PSTPIP2: variants seen among roughly 807,000 people sequenced by gnomAD.
The protein encoded by PSTPIP2 is proline-serine-threonine phosphatase interacting protein 2.
A neutral mutation model predicts 63.3 loss-of-function variants in PSTPIP2; 33 were observed. The ratio of observed to expected loss-of-function variants is 0.52; its 90% CI spans 0.40 to 0.70. PSTPIP2 has a LOEUF of 0.70. Ranked by LOEUF, PSTPIP2 falls within the 30% of genes least tolerant of loss-of-function variation. The pLI is 0.00. For synonymous variants in PSTPIP2, 125 were observed against 132.7 expected (o/e 0.94, Z 0.40); for missense variants, 312 against 400.7 (o/e 0.78, Z 1.89).
chr18:46,035,351 C>T (rs1004034261), intron 2 of PSTPIP2, among the ~76,000 whole-genome samples: 3 of 149,008 alleles, frequency 2.0e-5, no homozygotes, highest in Admixed American at 1.4e-4. Flanking sequence ...ACCCGGGAGA[C>T]GGAGGTTGAA....
intron 1 of PSTPIP2, among the ~76,000 whole-genome samples, chr18:46,069,158 G>T: frequency 6.6e-6 from 1 of 152,172 alleles, no homozygotes; most frequent in East Asian, 1.9e-4. Flanking sequence ...ATCCCCAGGG[G>T]TGAGAGAACA....
intron 1 of PSTPIP2, among the ~76,000 whole-genome samples, chr18:46,066,719 C>A (rs146299047): frequency 8.9e-4 from 135 of 152,282 alleles, no homozygotes; most frequent in African/African-American, 3.0e-3. Flanking sequence ...CCAGTCACAG[C>A]AGAACAGTTT....
intron 1 of PSTPIP2, 90 bp downstream of exon 1, chr18:46,072,066 G>T: frequency 6.9e-7 from 1 of 1,453,716 alleles, no homozygotes. Flanking sequence ...AGTGGCGCCG[G>T]AGCTGGGGAG....
chr18:46,038,152 C>T (rs986041605), intron 2 of PSTPIP2, among the ~76,000 whole-genome samples: 9 of 152,192 alleles, frequency 5.9e-5, no homozygotes, highest in Non-Finnish European at 1.5e-5. Context: ...CCTTGAACTC[C>T]TGGGCTAAGT....
chr18:46,028,436 G>C, intron 2 of PSTPIP2: 1 of 559,816 alleles, frequency 1.8e-6, no homozygotes, highest in Non-Finnish European at 3.5e-6. Flanking sequence ...CAGCGGAACC[G>C]CCCGACGCTG....
At chr18:46,031,350 T>C (rs1274379900) in intron 2 of PSTPIP2, among the ~76,000 whole-genome samples, 1 of 152,196 alleles carries the variant, frequency 6.6e-6, no homozygotes, top group East Asian at 1.9e-4. Context: ...TCTGAGACCA[T>C]GCAAGTGATT....
At chr18:46,025,458 A>C (rs936112007) in intron 2 of PSTPIP2, among the ~76,000 whole-genome samples, 1 of 152,194 alleles carries the variant, frequency 6.6e-6, no homozygotes, top group African/African-American at 2.4e-5. Flanking sequence ...TTAGCTTTCC[A>C]GTCCCTTTTC....
intron 2 of PSTPIP2, chr18:46,028,732 G>A: frequency 1.1e-6 from 1 of 937,420 alleles, no homozygotes; most frequent in Admixed American, 1.7e-5. Context: ...ACTTTAGAAA[G>A]ACAAACTTAA....
At chr18:46,071,083 C>T (rs1288688839) in intron 1 of PSTPIP2, among the ~76,000 whole-genome samples, 3 of 152,058 alleles carry the variant, frequency 2.0e-5, no homozygotes, top group Non-Finnish European at 4.4e-5. Flanking sequence ...GAGTAGTGCC[C>T]CAGAAGGACC....
chr18:45,997,885 TAC>T, intron 8 of PSTPIP2, 57 bp from the exon 9 acceptor site: 1 of 1,478,718 alleles, frequency 6.8e-7, no homozygotes, highest in Non-Finnish European at 9.4e-7. Context: ...GGCTCGCAGA[TAC>T]ACCCACAGGC....
chr18:46,032,939 C>T (rs1292886546), intron 2 of PSTPIP2, among the ~76,000 whole-genome samples: 4 of 152,068 alleles, frequency 2.6e-5, no homozygotes, highest in Non-Finnish European at 5.9e-5. Flanking sequence ...AATCCTTTTG[C>T]CATAAAACCT....
At chr18:46,017,491 A>G (rs1037876607) in intron 3 of PSTPIP2, among the ~76,000 whole-genome samples, 19 of 151,890 alleles carry the variant, frequency 1.3e-4, no homozygotes, top group African/African-American at 4.6e-4. Context: ...ATTTCTTCTC[A>G]TTGTTTCTAT....
intron 2 of PSTPIP2, among the ~76,000 whole-genome samples, chr18:46,037,640 C>T (rs115732116): frequency 6.6e-6 from 1 of 152,202 alleles, no homozygotes; most frequent in South Asian, 2.1e-4. Context: ...TACCCTTGAA[C>T]AAGACACATT....
At chr18:45,994,513 C>T (rs1296359574) in intron 9 of PSTPIP2, among the ~76,000 whole-genome samples, 2 of 152,136 alleles carry the variant, frequency 1.3e-5, no homozygotes, top group East Asian at 1.9e-4. Context: ...TGAGCTCTAC[C>T]CCCACAGTTT....
intron 2 of PSTPIP2, among the ~76,000 whole-genome samples, chr18:46,025,738 T>A (rs917851953): frequency 2.0e-5 from 3 of 151,198 alleles, no homozygotes; most frequent in African/African-American, 7.3e-5. Context: ...TAAATGAACA[T>A]CTGAACATCT....
At chr18:46,044,949 C>T (rs1223227763) in intron 1 of PSTPIP2, among the ~76,000 whole-genome samples, 7 of 152,282 alleles carry the variant, frequency 4.6e-5, no homozygotes, top group African/African-American at 1.7e-4. Flanking sequence ...CAAATCAAAA[C>T]CACAATGAGA....
intron 1 of PSTPIP2, among the ~76,000 whole-genome samples, chr18:46,054,310 T>C (rs533712780): frequency 8.1e-4 from 123 of 152,198 alleles, no homozygotes; most frequent in African/African-American, 2.8e-3. Context: ...GGCAAAACTA[T>C]AGAGATTGTA....
chr18:46,006,320 C>A (rs1275990078), intron 5 of PSTPIP2, among the ~76,000 whole-genome samples: 1 of 144,152 alleles, frequency 6.9e-6, no homozygotes, highest in Non-Finnish European at 1.5e-5. Context: ...TCCCAAAGTG[C>A]TGGGATTACA....
intron 2 of PSTPIP2, chr18:46,028,857 G>T (rs1425023731): frequency 5.7e-6 from 9 of 1,586,684 alleles, no homozygotes; most frequent in African/African-American, 1.3e-5. Flanking sequence ...AAGATGCTTT[G>T]TTGCAAAGGA....
Sources: allele counts gnomAD v4.1 joint callset (sites outside exome capture counted in the v4.1 genomes callset), GRCh38; gene constraint gnomAD v4.1.1; transcripts MANE v1.5; gene names NCBI Gene and HGNC (gene_info 2026-07-23, HGNC 2026-07-21).